Variants in EPDR1 observed in about 807,000 individuals in gnomAD.
EPDR1 encodes mammalian ependymin-related protein 1.
In EPDR1, 27 loss-of-function variants were observed where a neutral mutation model predicts 23.7. The observed-to-expected ratio is 1.14, with a 90% confidence interval of 0.84 to 1.57. The LOEUF is 1.57. EPDR1 is among the 40% of genes most tolerant of loss of function. EPDR1 has a pLI of 0.00. For synonymous variants in EPDR1, 137 were observed against 118.2 expected (o/e 1.16, Z -1.03); for missense variants, 349 against 290.4 (o/e 1.20, Z -1.47).
intron 1 of EPDR1, among the ~76,000 whole-genome samples, chr7:37,931,522 TAAATAAAAA>T (rs1409783059): frequency 1.4e-5 from 2 of 146,974 alleles, no homozygotes; most frequent in Admixed American, 6.8e-5. Flanking sequence ...AAAAAATAAA[TAAATAAAAA>T]AAATAAAAAA....
chr7:37,927,105 A>G (rs1253060625), intron 1 of EPDR1, among the ~76,000 whole-genome samples: 2 of 152,172 alleles, frequency 1.3e-5, no homozygotes, highest in African/African-American at 4.8e-5. Flanking sequence ...ATTTTTCAAG[A>G]AGCCCTGGTT....
chr7:37,928,519 T>C (rs949135189), intron 1 of EPDR1, among the ~76,000 whole-genome samples: 2 of 152,186 alleles, frequency 1.3e-5, no homozygotes, highest in African/African-American at 2.4e-5. Context: ...CACCCTCCAA[T>C]CACTTTTGTC....
intron 1 of EPDR1, among the ~76,000 whole-genome samples, chr7:37,940,983 T>C (rs1786160500): frequency 6.6e-6 from 1 of 152,188 alleles, no homozygotes; most frequent in South Asian, 2.1e-4. Context: ...AAGGTTAGCC[T>C]GTGCCACCTT....
chr7:37,922,306 C>T (rs6462795), intron 1 of EPDR1, among the ~76,000 whole-genome samples: 117,431 of 152,124 alleles, frequency 0.77, 45,643 homozygotes, highest in Non-Finnish European at 0.83. Flanking sequence ...GAAGAAAGTA[C>T]GGAAAGGGCA....
At chr7:37,945,064 G>A (rs1022047984) in intron 1 of EPDR1, among the ~76,000 whole-genome samples, 1 of 152,166 alleles carries the variant, frequency 6.6e-6, no homozygotes. Context: ...AAGTATCACA[G>A]GACAGGATTT....
intron 1 of EPDR1, among the ~76,000 whole-genome samples, chr7:37,939,941 A>T (rs1228728118): frequency 6.6e-6 from 1 of 152,224 alleles, no homozygotes; most frequent in Non-Finnish European, 1.5e-5. Context: ...GTAATTCCAC[A>T]TCTAATAATT....
chr7:37,927,241 A>C lies in EPDR1; in HGVS notation c.269+6033A>C, dbSNP rs917949615. On this transcript the variant is annotated intron_variant, in intron 1 of 2. Transcript: ENST00000199448. ...CAAGGGGTGTTAAGTTTGAATACACACATCCCTCCCCACACACACTCATAC... is the reference window on the plus strand; with the variant it reads ...CAAGGGGTGTTAAGTTTGAATACACCCATCCCTCCCCACACACACTCATAC... 1.3e-5 allele frequency among the ~76,000 whole-genome samples: 2 copies of C among 152,198 alleles called. 1 individual carries two copies. Among genetic ancestry groups the C allele is most frequent in the Admixed American group, 1.3e-4 (2 of 15,278 alleles).
chr7:37,950,399 C>T lies in EPDR1; in HGVS notation c.*3C>T. ...TGAGCGAAGACTGCTCCTGGTGAGC[C>T]TGTGCATAGGGAAGCGGCAGCATCG... On this transcript the variant is annotated 3_prime_UTR_variant, in exon 3 of 3. Transcript: ENST00000199448. 1 of 1,609,738 alleles carries T rather than the reference C, an allele frequency of 6.2e-7. No homozygotes were observed. Among genetic ancestry groups the T allele is most frequent in the African/African-American group, 1.3e-5 (1 of 74,906 alleles).
chr7:37,938,557 T>C (rs752791735), intron 1 of EPDR1, among the ~76,000 whole-genome samples: 37 of 152,218 alleles, frequency 2.4e-4, no homozygotes, highest in Non-Finnish European at 3.4e-4. Flanking sequence ...AAGGCGAACA[T>C]GCAAAATGCC....
intron 1 of EPDR1, among the ~76,000 whole-genome samples, chr7:37,935,790 G>T (rs1336573016): frequency 6.6e-6 from 1 of 150,956 alleles, no homozygotes. Flanking sequence ...GGGGTGGGGA[G>T]GTGGGACAGT....
chr7:37,943,902 C>A (rs1583670424), intron 1 of EPDR1, among the ~76,000 whole-genome samples: 1 of 152,144 alleles, frequency 6.6e-6, no homozygotes, highest in African/African-American at 2.4e-5. Context: ...GTGTTCCCTC[C>A]CTGCTGTCCC....
chr7:37,925,894 A>G (rs896230033), intron 1 of EPDR1, among the ~76,000 whole-genome samples: 6 of 152,152 alleles, frequency 3.9e-5, no homozygotes, highest in Admixed American at 2.0e-4. Context: ...ATTTTTTCTC[A>G]ATCTGTCCCA....
At chr7:37,937,255 T>C (rs948766378) in intron 1 of EPDR1, among the ~76,000 whole-genome samples, 2 of 151,998 alleles carry the variant, frequency 1.3e-5, no homozygotes, top group Non-Finnish European at 2.9e-5. Flanking sequence ...CAAACCAAAC[T>C]AAAGATCTAA....
intron 1 of EPDR1, among the ~76,000 whole-genome samples, chr7:37,936,913 T>A (rs940662488): frequency 1.3e-5 from 2 of 152,172 alleles, no homozygotes; most frequent in Admixed American, 1.3e-4. Context: ...AAGTTGATGC[T>A]AAATTTCATA....
chr7:37,925,131 T>G (rs1306268087), intron 1 of EPDR1, among the ~76,000 whole-genome samples: 2 of 152,246 alleles, frequency 1.3e-5, no homozygotes, highest in South Asian at 2.1e-4. Flanking sequence ...CTGTCTTTTC[T>G]GACTCCTTGA....
intron 1 of EPDR1, among the ~76,000 whole-genome samples, chr7:37,922,862 GAGA>G (rs1414506454): frequency 6.6e-6 from 1 of 152,160 alleles, no homozygotes. Context: ...GGGTTGTGAT[GAGA>G]AGAACTCAGT....
chr7:37,935,821 T>C (rs992730579), intron 1 of EPDR1, among the ~76,000 whole-genome samples: 7 of 151,366 alleles, frequency 4.6e-5, no homozygotes, highest in Non-Finnish European at 1.0e-4. Context: ...TCATAAAATA[T>C]GAGATGGGAA....
At chr7:37,946,857 A>C (rs1786287131) in intron 1 of EPDR1, among the ~76,000 whole-genome samples, 1 of 152,148 alleles carries the variant, frequency 6.6e-6, no homozygotes, top group Non-Finnish European at 1.5e-5. Flanking sequence ...GACATAAAGA[A>C]AATATTTTTG....
chr7:37,944,688 G>A (rs778042220), intron 1 of EPDR1, among the ~76,000 whole-genome samples: 11 of 152,168 alleles, frequency 7.2e-5, no homozygotes, highest in Non-Finnish European at 1.2e-4. Context: ...GGAAAGAACC[G>A]TGCCCATTAT....
Sources: allele counts gnomAD v4.1 joint callset (sites outside exome capture counted in the v4.1 genomes callset), GRCh38; gene constraint gnomAD v4.1.1; transcripts MANE v1.5; gene names NCBI Gene and HGNC (gene_info 2026-07-23, HGNC 2026-07-21).